The following ESYT3 variants were observed in gnomAD, a reference collection of about 807,000 sequenced individuals.
The protein encoded by ESYT3 is extended synaptotagmin-3.
A neutral mutation model predicts 111.5 loss-of-function variants in ESYT3; 101 were observed. The ratio of observed to expected loss-of-function variants is 0.91; its 90% CI spans 0.77 to 1.07. The LOEUF (loss-of-function observed/expected upper bound fraction) is 1.07, where lower values mean the gene tolerates loss of function less well. Among genes scored for constraint, ESYT3 ranks in the 50% least tolerant of loss-of-function variants. The pLI, the probability that ESYT3 is intolerant of heterozygous loss-of-function variation, is 0.00. For synonymous variants in ESYT3, 416 were observed against 446.8 expected (o/e 0.93, Z 0.87); for missense variants, 1,097 against 1,109.4 (o/e 0.99, Z 0.16).
chr3:138,470,244 G>C, intron 16 of ESYT3, 98 bp downstream of exon 16: 5 of 1,465,908 alleles, frequency 3.4e-6, no homozygotes, highest in Non-Finnish European at 4.6e-6. Flanking sequence ...TCTCCTGGCA[G>C]CGTTTAAAGT....
chr3:138,447,983 G>A (rs954234735), intron 1 of ESYT3, among the ~76,000 whole-genome samples: 2 of 151,754 alleles, frequency 1.3e-5, no homozygotes, highest in Non-Finnish European at 1.5e-5. Flanking sequence ...ATGGGGAATC[G>A]GCGGCCGGGT....
intron 8 of ESYT3, among the ~76,000 whole-genome samples, chr3:138,463,668 C>T (rs1224529293): frequency 1.3e-5 from 2 of 152,034 alleles, no homozygotes; most frequent in Admixed American, 6.6e-5. Flanking sequence ...ATTTCTGGGT[C>T]AAAGAGTAAA....
At chr3:138,469,677 G>A (rs1462364384) in intron 15 of ESYT3, among the ~76,000 whole-genome samples, 173 bp downstream of exon 15, 3 of 152,262 alleles carry the variant, frequency 2.0e-5, no homozygotes, top group Admixed American at 6.5e-5. Context: ...AGAATCTGAG[G>A]ATCAGAGATA....
intron 15 of ESYT3, 139 bp downstream of exon 15, chr3:138,469,643 C>T (rs13316499): frequency 0.15 from 97,589 of 650,644 alleles, 8,845 homozygotes; most frequent in Non-Finnish European, 0.19. Context: ...TCAGAATAAC[C>T]TCACAAAATA....
At chr3:138,455,624 A>T (rs1006952197) in intron 3 of ESYT3, among the ~76,000 whole-genome samples, 1 of 152,228 alleles carries the variant, frequency 6.6e-6, no homozygotes. Flanking sequence ...AACTTTGAAG[A>T]CACGCCATGG....
intron 1 of ESYT3, among the ~76,000 whole-genome samples, chr3:138,446,895 C>T (rs1177438903): frequency 6.6e-6 from 1 of 152,040 alleles, no homozygotes; most frequent in African/African-American, 2.4e-5. Context: ...AATAGTCAGG[C>T]GTGGTGGTGC....
Position 138,435,027 on chromosome 3 carries a change from C to T in ESYT3, c.229C>T (p.Arg77Cys). Residue 77 changes from arginine to cysteine, a missense_variant, in exon 1 of 23, where the codon CGC (arginine) becomes TGC (cysteine). Physicochemically the swap from Arg to Cys is radical, Grantham distance 180. Coordinates refer to ENST00000389567, the MANE Select transcript of ESYT3 (RefSeq NM_031913.5). This position sits in a 1 kb window ranked among gnomAD's most constrained non-coding sequence, Gnocchi z 4.8. Reference sequence around the variant, plus strand: ...GTGGATGTGGTGGCGCAGGAACCGCCGCGGGAAGCTTGGGCGCCTGGCCGC... The same window carrying T: ...GTGGATGTGGTGGCGCAGGAACCGCTGCGGGAAGCTTGGGCGCCTGGCCGC... ...LLWMWWRRNR[R>C]GKLGRLAAAF... The T allele has an allele frequency of 1.3e-6, 2 of 1,582,262 alleles. No individual in the cohort carries two copies. Among genetic ancestry groups the T allele is most frequent in the Non-Finnish European group, 1.7e-6 (2 of 1,165,106 alleles).
intron 1 of ESYT3, among the ~76,000 whole-genome samples, chr3:138,445,997 G>A (rs1056382845): frequency 4.6e-5 from 7 of 152,210 alleles, no homozygotes; most frequent in Admixed American, 3.3e-4. Flanking sequence ...ATCATATGCA[G>A]GTGAGATCTG....
intron 22 of ESYT3, 47 bp downstream of exon 22, chr3:138,476,539 C>A: frequency 6.3e-7 from 1 of 1,587,418 alleles, no homozygotes; most frequent in Non-Finnish European, 8.6e-7. Context: ...CTATTCAAGA[C>A]AGTTTTCCCT....
chr3:138,452,028 C>T lies in ESYT3; in HGVS notation c.328-20C>T. 6.2e-7 allele frequency: 1 copy of T among 1,613,580 alleles called. No homozygotes were observed. Among genetic ancestry groups the T allele is most frequent in the South Asian group, 1.1e-5 (1 of 91,080 alleles). On this transcript the variant is annotated intron_variant, in intron 1 of 22. Coordinates refer to ENST00000389567, the MANE Select transcript of ESYT3 (RefSeq NM_031913.5). The stretch of plus-strand genomic sequence containing the variant: ...GTGTGCGGCTTCTAGTCTAACTTCC[C>T]CTCGGGGCTTCTTTCCTAGATCCAC...
At chr3:138,475,609 C>G (rs551083425) in intron 20 of ESYT3, among the ~76,000 whole-genome samples, 10 of 152,214 alleles carry the variant, frequency 6.6e-5, no homozygotes, top group African/African-American at 2.4e-4. Flanking sequence ...AGGTACTGTT[C>G]AGGGTGAGGA....
chr3:138,467,480 C>CA lies in ESYT3; in HGVS notation c.1170-80dup. On this transcript the variant is annotated intron_variant, in intron 10 of 22. Coordinates refer to ENST00000389567, the MANE Select transcript of ESYT3 (RefSeq NM_031913.5). ...ATGGCCGCACTCAGATATCTGAAAACAGAGTCCAGTGTGGGCCTCCATGCC... is the reference window on the plus strand; with the variant it reads ...ATGGCCGCACTCAGATATCTGAAAACAAGAGTCCAGTGTGGGCCTCCATGCC... 6 of 1,396,294 alleles carry CA rather than the reference C, an allele frequency of 4.3e-6. No homozygotes were observed. In the South Asian group the frequency reaches 6.9e-5, roughly 16 times the overall value. The allele number at this position is 1,396,294 out of a possible 1,614,324, so 86.5% of individuals were successfully genotyped here. A position where few individuals can be genotyped will look rare whatever the true frequency, so the allele number is the denominator to read the frequency against.
At chr3:138,460,871 C>A (rs2032596082) in intron 7 of ESYT3, among the ~76,000 whole-genome samples, 1 of 152,154 alleles carries the variant, frequency 6.6e-6, no homozygotes, top group Non-Finnish European at 1.5e-5. Flanking sequence ...ACCCCCCGCC[C>A]ACACCACACA....
chr3:138,474,892 C>T (rs372273380), intron 20 of ESYT3, among the ~76,000 whole-genome samples: 1 of 152,190 alleles, frequency 6.6e-6, no homozygotes, highest in East Asian at 1.9e-4. Context: ...TGGCAAGTCT[C>T]ATCCCAAATA....
chr3:138,455,969 T>C lies in ESYT3; in HGVS notation c.504+641T>C, dbSNP rs181903696. Among the ~76,000 whole-genome samples, 92 of 152,328 alleles carry C rather than the reference T, an allele frequency of 6.0e-4. 1 individual carries two copies. The highest frequency in any genetic ancestry group is 2.7e-3 in the Admixed American group (41 of 15,304). On this transcript the variant is annotated intron_variant, in intron 3 of 22. Transcript: ENST00000389567. ...GAATCTTTTGATCATCCAAAATGTA[T>C]CCCTCAGCCAGAGACCACTGTGACC...
chr3:138,437,912 G>A (rs1210294070), intron 1 of ESYT3, among the ~76,000 whole-genome samples: 2 of 152,170 alleles, frequency 1.3e-5, no homozygotes, highest in African/African-American at 4.8e-5. Context: ...TTGGTTGCCT[G>A]TATGAACACC....
rs757621548 is a variant in ESYT3, at chr3:138,469,447, C to T, written c.1446C>T (p.Ser482=). The part of the protein sequence containing the change: ...KLSRFARNKV[S]KDPSSYVKLS... The stretch of plus-strand genomic sequence containing the variant: ...TTGATTCCTCACAGAACAAGGTCAG[C>T]AAAGACCCTTCTTCCTATGTCAAAC... The change falls in exon 15 of 23, where the codon AGC becomes AGT. Residue 482 remains serine (S), a synonymous_variant. Transcript: ENST00000389567. 1 of 1,613,914 alleles carries T rather than the reference C, an allele frequency of 6.2e-7. No homozygotes were observed. The highest frequency in any genetic ancestry group is 2.2e-5 in the East Asian group (1 of 44,882).
intron 1 of ESYT3, among the ~76,000 whole-genome samples, chr3:138,450,087 G>C (rs2031826177): frequency 6.6e-6 from 1 of 152,164 alleles, no homozygotes; most frequent in African/African-American, 2.4e-5. Flanking sequence ...AGTGACGAAC[G>C]AATCAATCAA....
chr3:138,473,191 G>A, intron 18 of ESYT3: 2 of 1,154,188 alleles, frequency 1.7e-6, no homozygotes, highest in South Asian at 2.4e-5. Flanking sequence ...TTTATGAAGG[G>A]TTTACTATGG....
Sources: allele counts gnomAD v4.1 joint callset (sites outside exome capture counted in the v4.1 genomes callset), GRCh38; gene constraint gnomAD v4.1.1; non-coding constraint Gnocchi (gnomAD v3.1); transcripts MANE v1.5; gene names NCBI Gene and HGNC (gene_info 2026-07-23, HGNC 2026-07-21).